Variants in PDLIM5 observed in about 807,000 individuals in gnomAD.
PDLIM5 encodes the protein PDZ and LIM domain protein 5.
In PDLIM5, 34 loss-of-function variants were observed where a neutral mutation model predicts 64.2. The observed-to-expected ratio is 0.53, with a 90% CI of 0.40 to 0.71. The LOEUF (loss-of-function observed/expected upper bound fraction) is 0.71. PDLIM5 is among the 30% of genes least tolerant of loss of function. The pLI is 0.00. For missense variants in PDLIM5, 683 were observed against 733.6 expected (o/e 0.93, Z 0.80); for synonymous variants, 253 against 269.1 (o/e 0.94, Z 0.59).
intron 3 of PDLIM5, among the ~76,000 whole-genome samples, chr4:94,551,208 A>G (rs1417680018): frequency 6.6e-6 from 1 of 152,100 alleles, no homozygotes; most frequent in Non-Finnish European, 1.5e-5. Context: ...AGTTAAATCC[A>G]CAGTTATTTT....
Position 94,576,017 on chromosome 4 carries a change from C to T in PDLIM5, c.693C>T (p.Asp231=), listed in dbSNP as rs773123808. ...AEGQRRGSQG[D]SKQQNGPPRK... ...GACAGAGAAGAGGATCCCAGGGTGA[C>T]AGTAAACAGCAAAATGGGTAGGTGG... Residue 231 remains aspartate (D), a synonymous_variant, in exon 5 of 13, where the codon GAC becomes GAT. Transcript: ENST00000317968. 7 of 1,613,294 alleles carry T rather than the reference C, an allele frequency of 4.3e-6. No individual in the cohort carries two copies. The South Asian group carries it at 6.6e-5, about 15-fold the overall frequency.
intron 2 of PDLIM5, among the ~76,000 whole-genome samples, chr4:94,510,303 G>C (rs182676213): frequency 7.0e-4 from 106 of 152,230 alleles, no homozygotes; most frequent in Non-Finnish European, 1.2e-3. Flanking sequence ...ACCCATGTTT[G>C]CTGGATAAGA....
intron 2 of PDLIM5, among the ~76,000 whole-genome samples, chr4:94,474,916 C>T (rs1725192527): frequency 1.3e-5 from 2 of 152,210 alleles, no homozygotes; most frequent in South Asian, 2.1e-4. Flanking sequence ...CCTAGCAAAG[C>T]GCTGGGATTA....
intron 2 of PDLIM5, among the ~76,000 whole-genome samples, chr4:94,482,364 G>A (rs569566747): frequency 6.6e-6 from 1 of 152,068 alleles, no homozygotes; most frequent in African/African-American, 2.4e-5. Context: ...GACCTTTTGA[G>A]ATTAACTAAT....
At chr4:94,606,815 C>T (rs1242854383) in intron 7 of PDLIM5, among the ~76,000 whole-genome samples, 1 of 152,108 alleles carries the variant, frequency 6.6e-6, no homozygotes, top group Non-Finnish European at 1.5e-5. Context: ...TGAAAGTAGC[C>T]ATAGACATAT....
intron 3 of PDLIM5, among the ~76,000 whole-genome samples, chr4:94,547,590 C>T (rs1039635438): frequency 3.9e-5 from 6 of 152,136 alleles, no homozygotes; most frequent in Non-Finnish European, 8.8e-5. Context: ...GTTAATGTAA[C>T]ATATTCATAG....
chr4:94,639,237 A>T (rs540227631), intron 8 of PDLIM5, among the ~76,000 whole-genome samples: 1 of 152,300 alleles, frequency 6.6e-6, no homozygotes, highest in Non-Finnish European at 1.5e-5. Flanking sequence ...GGCAAAGAGC[A>T]GTGTAAGATG....
intron 2 of PDLIM5, among the ~76,000 whole-genome samples, chr4:94,459,964 A>G (rs1723729642): frequency 6.6e-6 from 1 of 152,216 alleles, no homozygotes; most frequent in Non-Finnish European, 1.5e-5. Context: ...GAAGACAGAA[A>G]GACTTTCAGT....
At chr4:94,620,546 A>G (rs974308537) in intron 8 of PDLIM5, among the ~76,000 whole-genome samples, 1 of 152,046 alleles carries the variant, frequency 6.6e-6, no homozygotes, top group Non-Finnish European at 1.5e-5. Flanking sequence ...TCTCCAAAAA[A>G]AAAATGGTCA....
chr4:94,456,253 C>G, intron 2 of PDLIM5: 1 of 480,988 alleles, frequency 2.1e-6, no homozygotes, highest in Non-Finnish European at 3.7e-6. Flanking sequence ...GGCTGGAGTG[C>G]AGTGGCGCAA....
At chr4:94,660,719 T>A (rs1269355303) in intron 11 of PDLIM5, among the ~76,000 whole-genome samples, 1 of 152,116 alleles carries the variant, frequency 6.6e-6, no homozygotes, top group Non-Finnish European at 1.5e-5. Flanking sequence ...TAAGGAATAC[T>A]AAAGATTGAC....
rs1742996762 is a variant in PDLIM5 at position 94,664,903 on chromosome 4, C to G, written c.*836C>G. 1 of 978,060 alleles carries G rather than the reference C, an allele frequency of 1.0e-6. No homozygotes were observed. Among genetic ancestry groups the G allele is most frequent in the Non-Finnish European group, 1.2e-6 (1 of 823,300 alleles). The allele number at this position is 978,060 out of a possible 1,614,324, so 60.6% of individuals were successfully genotyped here. On this transcript the variant is annotated 3_prime_UTR_variant, in exon 13 of 13. Transcript: ENST00000317968. ...AACTTTGCTTGTATATTATTTTTGCCTTACAGTGGATCATTCTAGTAGGAA... is the reference window on the plus strand; with the variant it reads ...AACTTTGCTTGTATATTATTTTTGCGTTACAGTGGATCATTCTAGTAGGAA...
intron 3 of PDLIM5, among the ~76,000 whole-genome samples, chr4:94,561,428 T>C (rs543216515): frequency 6.6e-6 from 1 of 152,316 alleles, no homozygotes; most frequent in Non-Finnish European, 1.5e-5. Context: ...AGTTACAAAA[T>C]AGTTCTGGGA....
At chr4:94,510,179 T>G (rs1035559377) in intron 2 of PDLIM5, among the ~76,000 whole-genome samples, 3 of 152,214 alleles carry the variant, frequency 2.0e-5, no homozygotes, top group African/African-American at 7.2e-5. Context: ...AACAACAATT[T>G]AAGGTCTGAA....
intron 1 of PDLIM5, among the ~76,000 whole-genome samples, chr4:94,453,155 ACT>A (rs1723019332): frequency 6.6e-6 from 1 of 152,056 alleles, no homozygotes; most frequent in Non-Finnish European, 1.5e-5. Flanking sequence ...AAAATCCATA[ACT>A]CTACAGAAAT....
At chr4:94,622,943 A>G (rs1344763731) in intron 8 of PDLIM5, among the ~76,000 whole-genome samples, 1 of 152,080 alleles carries the variant, frequency 6.6e-6, no homozygotes, top group Non-Finnish European at 1.5e-5. Flanking sequence ...TGCTGGGATT[A>G]CAGGCATAAG....
At chr4:94,494,432 G>GGTTTTTTGTTTTT (rs1553940971) in intron 2 of PDLIM5, among the ~76,000 whole-genome samples, 1 of 70,772 alleles carries the variant, frequency 1.4e-5, no homozygotes, top group East Asian at 4.9e-4. Context: ...TTTTTTTCTT[G>GGTTTTTTGTTTTT]TTTTTTTTTT....
At chr4:94,571,631 A>G (rs530615295) in intron 3 of PDLIM5, among the ~76,000 whole-genome samples, 5 of 152,330 alleles carry the variant, frequency 3.3e-5, no homozygotes, top group Admixed American at 6.5e-5. Context: ...TGAAGAGAAA[A>G]TGTAGGAAGA....
Position 94,597,283 on chromosome 4 carries a change from G to A in PDLIM5, c.920+10839G>A, listed in dbSNP as rs10015705. Among the ~76,000 whole-genome samples the A allele has an allele frequency of 3.7e-3, 569 of 152,182 alleles. 10 individuals carry two copies. The highest frequency in any genetic ancestry group is 0.013 in the African/African-American group (550 of 41,530). The stretch of plus-strand genomic sequence containing the variant: ...GAAGTAACACTTAAGCAAATTTGGT[G>A]GAATCAAGTTTACCCTTGGCTTACA... On this transcript the variant is annotated intron_variant, in intron 7 of 12. Transcript: ENST00000317968.
Sources: allele counts gnomAD v4.1 joint callset (sites outside exome capture counted in the v4.1 genomes callset), GRCh38; gene constraint gnomAD v4.1.1; transcripts MANE v1.5; gene names NCBI Gene and HGNC (gene_info 2026-07-23, HGNC 2026-07-21).